MCU: variants seen among roughly 807,000 people sequenced by gnomAD.
The protein encoded by MCU is mitochondrial calcium uniporter, also known as calcium uniporter protein, mitochondrial.
In MCU, 12 loss-of-function variants were observed where a neutral mutation model predicts 45.2. The ratio of observed to expected loss-of-function variants is 0.27; its 90% CI spans 0.17 to 0.43. The LOEUF (loss-of-function observed/expected upper bound fraction) is 0.43, where lower values mean the gene tolerates loss of function less well. MCU is among the 20% of genes least tolerant of loss of function. The probability of loss-of-function intolerance (pLI) is 1.00; values close to 1 mark genes in which losing one functional copy is unlikely to be tolerated. For synonymous variants in MCU, 160 were observed against 165.1 expected (o/e 0.97, Z 0.24); for missense variants, 324 against 436.7 (o/e 0.74, Z 2.30).
intron 4 of MCU, among the ~76,000 whole-genome samples, chr10:72,863,364 T>G (rs1327386994): frequency 6.6e-6 from 1 of 152,224 alleles, no homozygotes; most frequent in Admixed American, 6.5e-5. Flanking sequence ...ATTAAATGTG[T>G]TCGCTGGGTA....
At chr10:72,837,842 G>A (rs1418950288) in intron 2 of MCU, among the ~76,000 whole-genome samples, 1 of 150,676 alleles carries the variant, frequency 6.6e-6, no homozygotes, top group Admixed American at 6.6e-5. Flanking sequence ...AGTGAAAGGA[G>A]ATGCCCAATA....
chr10:72,738,787 A>AT (rs1205457204), intron 1 of MCU, among the ~76,000 whole-genome samples: 1 of 152,066 alleles, frequency 6.6e-6, no homozygotes, highest in Non-Finnish European at 1.5e-5. Context: ...CTTCCAGGCT[A>AT]TTTTTTTCTC....
chr10:72,878,780 G>A (rs1845656833), intron 6 of MCU, among the ~76,000 whole-genome samples: 1 of 152,038 alleles, frequency 6.6e-6, no homozygotes, highest in Admixed American at 6.6e-5. Context: ...TATAGGAAAG[G>A]GTAAGAGACA....
intron 6 of MCU, among the ~76,000 whole-genome samples, chr10:72,878,793 G>C (rs1201996697): frequency 6.6e-6 from 1 of 152,148 alleles, no homozygotes; most frequent in East Asian, 1.9e-4. Context: ...AAGAGACACA[G>C]TATACAGTGG....
At chr10:72,713,947 TTGTGTGTGTGTG>T (rs72292523) in intron 1 of MCU, among the ~76,000 whole-genome samples, 16 of 139,016 alleles carry the variant, frequency 1.2e-4, no homozygotes, top group African/African-American at 3.8e-4. Context: ...CTTTCATCAT[TTGTGTGTGTGTG>T]TGTGTGTGTG....
intron 1 of MCU, among the ~76,000 whole-genome samples, chr10:72,786,764 AAAAT>A (rs907860775): frequency 6.6e-5 from 10 of 152,270 alleles, no homozygotes; most frequent in Non-Finnish European, 1.0e-4. Flanking sequence ...TAAATAAGTA[AAAAT>A]AAATAAATAA....
At chr10:72,786,812 G>T (rs1415310797) in intron 1 of MCU, among the ~76,000 whole-genome samples, 1 of 152,098 alleles carries the variant, frequency 6.6e-6, no homozygotes, top group African/African-American at 2.4e-5. Context: ...TGCTTTTTCA[G>T]TTTTCTCACT....
At chr10:72,711,754 C>T (rs1157711954) in intron 1 of MCU, among the ~76,000 whole-genome samples, 1 of 147,506 alleles carries the variant, frequency 6.8e-6, no homozygotes, top group Non-Finnish European at 1.5e-5. Flanking sequence ...CTCTGTCCCC[C>T]AGGCTGGAGT....
rs1160353409 is a variant in MCU, at chr10:72,714,345, C to CTTTTTTTTTTTTTTTTTTTTTTTTTTTTT, written c.150+22067_150+22068insTTTTTTTTTTTTTTTTTTTTTTTTTTTTT. Among the ~76,000 whole-genome samples the CTTTTTTTTTTTTTTTTTTTTTTTTTTTTT allele has an allele frequency of 3.3e-4, 18 of 54,748 alleles. 7 individuals carry two copies. The highest frequency in any genetic ancestry group is 0.015 in the Middle Eastern group (1 of 66). The allele number at this position is 54,748 out of a possible 152,430, so 35.9% of individuals were successfully genotyped here. A position where few individuals can be genotyped will look rare whatever the true frequency, so the allele number is the denominator to read the frequency against. On this transcript the variant is annotated intron_variant, in intron 1 of 7. Coordinates refer to ENST00000373053, the MANE Select transcript of MCU (RefSeq NM_138357.3). ...TTACTTCAGTTCCCCCCGCCCTGGT[C>CTTTTTTTTTTTTTTTTTTTTTTTTTTTTT]TTTTTTTTTTTTTTTTTTTTTTTAA...
Position 72,860,515 on chromosome 10 carries a change from C to T in MCU, c.484C>T (p.Pro162Ser), listed in dbSNP as rs1255612155. The T allele has an allele frequency of 1.2e-6, 2 of 1,612,954 alleles. No homozygotes were observed. Among genetic ancestry groups the T allele is most frequent in the Middle Eastern group, 1.7e-4 (1 of 6,060 alleles). Reference protein sequence around the residue: ...VINDLTYHVRPPKRDLLSHEN... With the variant: ...VINDLTYHVRSPKRDLLSHEN... ...TAATGACTTAACATACCACGTACGA[C>T]CACCAAAAAGAGGTAAAATAGTAAC... The change falls in exon 4 of 8, where the codon CCA (proline) becomes TCA (serine). Residue 162 changes from proline to serine, a missense_variant. Pro to Ser is a moderately conservative substitution (Grantham distance 74, BLOSUM62 -1). Coordinates refer to ENST00000373053, the MANE Select transcript of MCU (RefSeq NM_138357.3).
chr10:72,865,557 C>G (rs1845439628), intron 4 of MCU, among the ~76,000 whole-genome samples: 1 of 151,928 alleles, frequency 6.6e-6, no homozygotes, highest in East Asian at 1.9e-4. Flanking sequence ...AATTATTTTT[C>G]TGAGACAGGG....
intron 2 of MCU, among the ~76,000 whole-genome samples, chr10:72,852,063 T>C (rs547160728): frequency 1.9e-4 from 29 of 152,312 alleles, no homozygotes; most frequent in African/African-American, 6.5e-4. Flanking sequence ...TTCAACTCTC[T>C]CTACTTCTTG....
At chr10:72,718,604 C>T (rs186516530) in intron 1 of MCU, among the ~76,000 whole-genome samples, 10 of 152,326 alleles carry the variant, frequency 6.6e-5, no homozygotes, top group Admixed American at 6.5e-4. Context: ...TGAACACATG[C>T]ATGCCCTATG....
At chr10:72,871,764 A>G (rs1269776342) in intron 6 of MCU, among the ~76,000 whole-genome samples, 184 bp downstream of exon 6, 1 of 152,234 alleles carries the variant, frequency 6.6e-6, no homozygotes, top group Non-Finnish European at 1.5e-5. Flanking sequence ...GGAGAGGTAG[A>G]TATAAGACAT....
intron 1 of MCU, among the ~76,000 whole-genome samples, chr10:72,792,451 C>T (rs548154352): frequency 5.3e-5 from 8 of 152,140 alleles, no homozygotes; most frequent in Non-Finnish European, 8.8e-5. Flanking sequence ...ATGACTCCCT[C>T]CAGGCCTCTC....
chr10:72,715,568 A>AG (rs1842946933), intron 1 of MCU, among the ~76,000 whole-genome samples: 1 of 152,208 alleles, frequency 6.6e-6, no homozygotes, highest in Admixed American at 6.5e-5. Context: ...TGGATGACCA[A>AG]GGGTCTGTCT....
chr10:72,862,430 TA>T (rs1845393235), intron 4 of MCU, among the ~76,000 whole-genome samples: 1 of 152,168 alleles, frequency 6.6e-6, no homozygotes, highest in Admixed American at 6.5e-5. Context: ...CCAGTTTTGT[TA>T]AAGATAATTT....
intron 1 of MCU, among the ~76,000 whole-genome samples, chr10:72,792,318 T>G (rs1844173942): frequency 6.6e-6 from 1 of 152,208 alleles, no homozygotes; most frequent in South Asian, 2.1e-4. Flanking sequence ...GACAGGATAT[T>G]TTGAAGCAGG....
intron 1 of MCU, among the ~76,000 whole-genome samples, chr10:72,777,356 A>G (rs1208973828): frequency 6.6e-6 from 1 of 152,200 alleles, no homozygotes; most frequent in Admixed American, 6.5e-5. Context: ...AGACACATAG[A>G]CCAATGGAAC....
Sources: gnomAD v4.1 joint callset for allele counts (sites outside exome capture counted in the v4.1 genomes callset) on GRCh38, gnomAD v4.1.1 for gene constraint, MANE v1.5 for transcripts, NCBI Gene and HGNC (gene_info 2026-07-23, HGNC 2026-07-21) for gene names.